Variants in IFRD1 observed in about 807,000 individuals in gnomAD.
The protein encoded by IFRD1 is interferon-related developmental regulator 1.
Under a neutral mutation model 52.9 loss-of-function variants are expected in IFRD1, and 35 were observed. The observed-to-expected ratio is 0.66, with a 90% CI of 0.51 to 0.88. The LOEUF (loss-of-function observed/expected upper bound fraction) is 0.88. Among genes scored for constraint, IFRD1 ranks in the 40% least tolerant of loss-of-function variants. IFRD1 has a pLI of 0.00. For synonymous variants in IFRD1, 184 were observed against 188.4 expected, an observed-to-expected ratio of 0.98 and a Z score of 0.19; for missense variants, 517 against 550.8, an observed-to-expected ratio of 0.94 and a Z score of 0.61.
intron 1 of IFRD1, among the ~76,000 whole-genome samples, chr7:112,455,453 G>T (rs1465385733): frequency 6.6e-6 from 1 of 151,944 alleles, no homozygotes; most frequent in Non-Finnish European, 1.5e-5. Context: ...CCACTGCACT[G>T]CAGCCAGGGC....
intron 1 of IFRD1, among the ~76,000 whole-genome samples, chr7:112,427,011 C>T (rs1794442767): frequency 6.6e-6 from 1 of 152,116 alleles, no homozygotes; most frequent in Non-Finnish European, 1.5e-5. Flanking sequence ...CAAGCTGTAC[C>T]CCAATCACTT....
At chr7:112,474,956 C>G (rs1795857451) in intron 11 of IFRD1, among the ~76,000 whole-genome samples, 1 of 131,386 alleles carries the variant, frequency 7.6e-6, no homozygotes, top group African/African-American at 2.7e-5. Context: ...GCCATTAACT[C>G]TTTATTTATT....
intron 5 of IFRD1, among the ~76,000 whole-genome samples, chr7:112,459,606 G>A (rs1316018246): frequency 6.6e-6 from 1 of 152,116 alleles, no homozygotes; most frequent in Admixed American, 6.5e-5. Flanking sequence ...TTCCTTGTTA[G>A]TATTACTTAA....
intron 1 of IFRD1, among the ~76,000 whole-genome samples, chr7:112,453,534 G>C (rs1364633261): frequency 6.6e-6 from 1 of 151,992 alleles, no homozygotes; most frequent in Non-Finnish European, 1.5e-5. Flanking sequence ...CTGCATAGGA[G>C]GAATACTCTT....
chr7:112,463,575 T>C (rs2117314475), intron 8 of IFRD1, among the ~76,000 whole-genome samples: 1 of 152,256 alleles, frequency 6.6e-6, no homozygotes, highest in African/African-American at 2.4e-5. Flanking sequence ...ATGTGAGAAA[T>C]TGGACTCAAA....
At chr7:112,469,497 G>A (rs558261435) in intron 9 of IFRD1, among the ~76,000 whole-genome samples, 1 of 151,974 alleles carries the variant, frequency 6.6e-6, no homozygotes, top group Non-Finnish European at 1.5e-5. Flanking sequence ...AATTAGTGTG[G>A]CAGTATCTCT....
rs894926822 is a variant in IFRD1 at position 112,450,480 on chromosome 7, G to A, written c.-209G>A. The A allele has an allele frequency of 2.0e-5, 12 of 602,976 alleles. No homozygotes were observed. Among genetic ancestry groups the A allele is most frequent in the South Asian group, 9.5e-5 (5 of 52,482 alleles). 37.4% of individuals were successfully genotyped at this position (602,976 alleles called of 1,614,324 possible). On this transcript the variant is annotated 5_prime_UTR_variant, in exon 1 of 12. Transcript: ENST00000403825. Reference sequence around the variant, plus strand: ...GCCCCGCCTTAGCTCCCGCGCTAGAGAGAAACATGTATCGTTTTCGATCAC... The same window carrying A: ...GCCCCGCCTTAGCTCCCGCGCTAGAAAGAAACATGTATCGTTTTCGATCAC...
chr7:112,468,552 T>G (rs1425879851), intron 9 of IFRD1, among the ~76,000 whole-genome samples: 2 of 152,176 alleles, frequency 1.3e-5, no homozygotes, highest in African/African-American at 4.8e-5. Flanking sequence ...CAGACTGGAG[T>G]GCAGTGGCAC....
intron 1 of IFRD1, chr7:112,452,196 G>C (rs1795183896): frequency 1.2e-6 from 1 of 840,376 alleles, no homozygotes; most frequent in South Asian, 5.4e-5. Flanking sequence ...GTCTGGCTCT[G>C]TCGCCCAGGC....
chr7:112,452,156 T>C (rs1260449674), intron 1 of IFRD1: 1 of 16,574 alleles, frequency 6.0e-5, no homozygotes, highest in East Asian at 4.1e-3. Flanking sequence ...TTGAGGATAC[T>C]TTTTTTTTTT....
At chr7:112,436,973 A>G (rs762331344) in intron 1 of IFRD1, among the ~76,000 whole-genome samples, 1 of 152,168 alleles carries the variant, frequency 6.6e-6, no homozygotes, top group Non-Finnish European at 1.5e-5. Flanking sequence ...AGGTGCATAA[A>G]TCAGGCTAAA....
chr7:112,443,329 G>A (rs2117263635), intron 1 of IFRD1, among the ~76,000 whole-genome samples: 1 of 106,688 alleles, frequency 9.4e-6, no homozygotes, highest in South Asian at 3.0e-4. Flanking sequence ...GTTCATGCCT[G>A]TAATCCCAGC....
intron 1 of IFRD1, among the ~76,000 whole-genome samples, chr7:112,424,616 T>C (rs1794390163): frequency 6.6e-6 from 1 of 151,982 alleles, no homozygotes; most frequent in Non-Finnish European, 1.5e-5. Context: ...GGTTTCACCA[T>C]GTTGGCCAGG....
chr7:112,463,715 T>C (rs919941923), intron 8 of IFRD1, among the ~76,000 whole-genome samples: 1 of 152,102 alleles, frequency 6.6e-6, no homozygotes, highest in African/African-American at 2.4e-5. Context: ...TTTCTTTTTT[T>C]TCCTTGGAAA....
Position 112,456,915 on chromosome 7 carries a change from G to A in IFRD1, c.286G>A (p.Ala96Thr). The change falls in exon 4 of 12, where the codon GCG becomes ACG. Residue 96 changes from alanine to threonine, a missense_variant and splice_region_variant. Ala to Thr is a moderately conservative substitution (Grantham distance 58). Coordinates refer to ENST00000403825, the MANE Select transcript of IFRD1 (RefSeq NM_001550.4). ...GLIDLTLDKS[A>T]KTRQAALEGI... Reference sequence around the variant, plus strand: ...TCTCTTACATTGGGTGTTAAATAGTGCGAAGACAAGGCAAGCAGCTCTTGA... The same window carrying A: ...TCTCTTACATTGGGTGTTAAATAGTACGAAGACAAGGCAAGCAGCTCTTGA... 6.2e-7 allele frequency: 1 copy of A among 1,613,520 alleles called. No individual in the cohort carries two copies. The highest frequency in any genetic ancestry group is 1.1e-5 in the South Asian group (1 of 91,084).
chr7:112,428,030 G>A (rs1336004698), intron 1 of IFRD1, among the ~76,000 whole-genome samples: 1 of 152,204 alleles, frequency 6.6e-6, no homozygotes, highest in African/African-American at 2.4e-5. Flanking sequence ...CCAGGAAAAG[G>A]TGAGCCTGGT....
chr7:112,451,472 G>A (rs558048254), intron 1 of IFRD1, among the ~76,000 whole-genome samples: 2 of 152,310 alleles, frequency 1.3e-5, no homozygotes, highest in African/African-American at 4.8e-5. Context: ...CTCACGGGGG[G>A]AAGAAACGCG....
At chr7:112,453,785 C>A (rs1376666573) in intron 1 of IFRD1, among the ~76,000 whole-genome samples, 1 of 151,950 alleles carries the variant, frequency 6.6e-6, no homozygotes, top group Non-Finnish European at 1.5e-5. Flanking sequence ...ACCACGCAAG[C>A]AAATCTGAAG....
At chr7:112,454,419 C>T (rs1795238364) in intron 1 of IFRD1, among the ~76,000 whole-genome samples, 1 of 152,144 alleles carries the variant, frequency 6.6e-6, no homozygotes, top group Admixed American at 6.5e-5. Flanking sequence ...TCTCCAACTC[C>T]TGACCTCAGG....
Sources: allele counts gnomAD v4.1 joint callset (sites outside exome capture counted in the v4.1 genomes callset), GRCh38; gene constraint gnomAD v4.1.1; transcripts MANE v1.5; gene names NCBI Gene and HGNC (gene_info 2026-07-23, HGNC 2026-07-21).